HIVEP3: variants seen among roughly 807,000 people sequenced by gnomAD.
HIVEP3 encodes the protein transcription factor HIVEP3.
HIVEP3 carries 49 observed loss-of-function variants against 152.8 expected under a neutral mutation model. The observed-to-expected ratio is 0.32, with a 90% CI of 0.26 to 0.41. The LOEUF is 0.41. Ranked by LOEUF, HIVEP3 falls within the 10% of genes least tolerant of loss-of-function variation. The probability of loss-of-function intolerance (pLI) is 1.00; values close to 1 mark genes in which losing one functional copy is unlikely to be tolerated. For synonymous variants in HIVEP3, 1,269 were observed against 1,289.0 expected (o/e 0.98, Z 0.33); for missense variants, 2,790 against 3,103.3 (o/e 0.90, Z 2.40).
intron 1 of HIVEP3, among the ~76,000 whole-genome samples, chr1:41,871,415 A>G (rs962221177): frequency 1.3e-5 from 2 of 152,230 alleles, no homozygotes; most frequent in African/African-American, 4.8e-5. Flanking sequence ...GCTAAAAAAA[A>G]AAAAACCCCT....
chr1:41,751,435 A>G (rs2124224699), intron 1 of HIVEP3, among the ~76,000 whole-genome samples: 1 of 145,814 alleles, frequency 6.9e-6, no homozygotes, highest in African/African-American at 2.5e-5. Context: ...CAGCCCACGC[A>G]TTTCACCATG....
intron 2 of HIVEP3, among the ~76,000 whole-genome samples, chr1:41,643,739 C>T (rs1475100452): frequency 1.3e-5 from 2 of 152,094 alleles, no homozygotes; most frequent in Admixed American, 6.5e-5. Flanking sequence ...TGGAGACGGA[C>T]AGAGGTCTTA....
intron 2 of HIVEP3, among the ~76,000 whole-genome samples, chr1:41,642,779 T>C (rs1273063813): frequency 2.0e-5 from 3 of 152,108 alleles, no homozygotes. Flanking sequence ...TTGGTGAAGA[T>C]CAATCTGCAG....
intron 1 of HIVEP3, among the ~76,000 whole-genome samples, chr1:41,988,476 C>T (rs995952727): frequency 6.6e-6 from 1 of 152,170 alleles, no homozygotes; most frequent in Non-Finnish European, 1.5e-5. Context: ...ATACTCATCA[C>T]TAATCATCAT....
At chr1:41,907,337 G>A (rs1404137590) in intron 1 of HIVEP3, among the ~76,000 whole-genome samples, 1 of 152,138 alleles carries the variant, frequency 6.6e-6, no homozygotes, top group Admixed American at 6.5e-5. Flanking sequence ...GACAGAGGAA[G>A]CCAATGCCCT....
intron 1 of HIVEP3, among the ~76,000 whole-genome samples, chr1:41,804,580 AAG>A (rs1398496863): frequency 1.3e-5 from 2 of 152,250 alleles, no homozygotes; most frequent in African/African-American, 2.4e-5. Context: ...TTTTATGTGA[AAG>A]AGAGAAAAGG....
At chr1:41,800,032 G>A (rs349451) in intron 1 of HIVEP3, among the ~76,000 whole-genome samples, 13,034 of 152,246 alleles carry the variant, frequency 0.086, 565 homozygotes, top group Middle Eastern at 0.19. Flanking sequence ...TTTGGGGCAG[G>A]CAGGGACAAG....
intron 1 of HIVEP3, among the ~76,000 whole-genome samples, chr1:41,878,870 C>G: frequency 6.7e-6 from 1 of 150,364 alleles, no homozygotes; most frequent in Non-Finnish European, 1.5e-5. Flanking sequence ...CCCTCCCTCC[C>G]TCCCTCCCCT....
At chr1:41,559,089 C>T (rs1644016339) in intron 5 of HIVEP3, among the ~76,000 whole-genome samples, 1 of 152,124 alleles carries the variant, frequency 6.6e-6, no homozygotes, top group Admixed American at 6.5e-5. Flanking sequence ...TGACCCCATC[C>T]ATAGCACAGA....
intron 5 of HIVEP3, among the ~76,000 whole-genome samples, chr1:41,525,330 A>C (rs1206867751): frequency 6.6e-6 from 1 of 152,224 alleles, no homozygotes; most frequent in Non-Finnish European, 1.5e-5. Flanking sequence ...GCCGCCATTC[A>C]CCAAGTGCTC....
intron 1 of HIVEP3, among the ~76,000 whole-genome samples, chr1:42,007,897 C>T (rs1645469541): frequency 6.6e-6 from 1 of 152,154 alleles, no homozygotes; most frequent in South Asian, 2.1e-4. Context: ...CTAGAGGTAA[C>T]ATATCTGTTT....
chr1:41,534,968 G>A (rs564340811), intron 5 of HIVEP3, among the ~76,000 whole-genome samples: 14 of 152,224 alleles, frequency 9.2e-5, no homozygotes, highest in Admixed American at 5.2e-4. Context: ...TCTTTCCTTC[G>A]GAAATAGTCC....
intron 1 of HIVEP3, among the ~76,000 whole-genome samples, chr1:41,856,667 G>T (rs951858788): frequency 6.6e-5 from 10 of 152,100 alleles, no homozygotes; most frequent in African/African-American, 2.4e-4. Context: ...AGGGAGGAAG[G>T]GAGGGACAAT....
intron 3 of HIVEP3, among the ~76,000 whole-genome samples, chr1:41,612,231 C>T (rs1446525233): frequency 6.6e-6 from 1 of 152,210 alleles, no homozygotes; most frequent in Non-Finnish European, 1.5e-5. Flanking sequence ...GCCAGTTTCT[C>T]CCTGGGACCT....
intron 1 of HIVEP3, among the ~76,000 whole-genome samples, chr1:41,881,459 T>G (rs554321809): frequency 4.9e-4 from 74 of 152,318 alleles, no homozygotes; most frequent in African/African-American, 1.7e-3. Context: ...TTAGAAAACC[T>G]TATTATAGAA....
intron 1 of HIVEP3, among the ~76,000 whole-genome samples, chr1:41,863,343 A>G (rs1441159414): frequency 6.6e-6 from 1 of 152,220 alleles, no homozygotes; most frequent in East Asian, 1.9e-4. Context: ...GCCAAGGATC[A>G]CCTGATCTGT....
chr1:41,885,859 G>A (rs1159127436), intron 1 of HIVEP3, among the ~76,000 whole-genome samples: 1 of 149,102 alleles, frequency 6.7e-6, no homozygotes, highest in Non-Finnish European at 1.5e-5. Flanking sequence ...AGGTAAACGA[G>A]CTTTCAAATA....
chr1:41,901,164 A>T (rs979506890), intron 1 of HIVEP3, among the ~76,000 whole-genome samples: 3 of 152,080 alleles, frequency 2.0e-5, no homozygotes, highest in Admixed American at 2.0e-4. Flanking sequence ...CTTCTGGCCC[A>T]AGCAGCTTGG....
intron 1 of HIVEP3, among the ~76,000 whole-genome samples, chr1:41,939,945 T>C (rs1645037738): frequency 6.6e-6 from 1 of 152,192 alleles, no homozygotes; most frequent in East Asian, 1.9e-4. Context: ...ATTATTAATA[T>C]ATTTTCATTA....
Sources: gnomAD v4.1 joint callset for allele counts (sites outside exome capture counted in the v4.1 genomes callset) on GRCh38, gnomAD v4.1.1 for gene constraint, MANE v1.5 for transcripts, NCBI Gene and HGNC (gene_info 2026-07-23, HGNC 2026-07-21) for gene names.